CR1: variants seen among roughly 807,000 people sequenced by gnomAD.
CR1 encodes complement C3b/C4b receptor 1 (Knops blood group).
In CR1, 116 loss-of-function variants were observed where a neutral mutation model predicts 187.3. The observed-to-expected ratio is 0.62, with a 90% CI of 0.53 to 0.72. The LOEUF (loss-of-function observed/expected upper bound fraction) is 0.72. CR1 is among the 30% of genes least tolerant of loss of function. CR1 has a pLI of 0.00. For synonymous variants in CR1, 576 were observed against 747.1 expected (o/e 0.77, Z 3.73); for missense variants, 1,731 against 2,110.7 (o/e 0.82, Z 3.52).
intron 35 of CR1, among the ~76,000 whole-genome samples, chr1:207,604,309 C>G (rs1485846218): frequency 6.6e-6 from 1 of 151,936 alleles, no homozygotes; most frequent in Non-Finnish European, 1.5e-5. Flanking sequence ...GGTTTGTCTT[C>G]AAATTTGTAT....
intron 35 of CR1, among the ~76,000 whole-genome samples, chr1:207,596,175 G>C (rs1330631680): frequency 6.6e-6 from 1 of 151,518 alleles, no homozygotes; most frequent in Non-Finnish European, 1.5e-5. Context: ...GAGCTAGCAA[G>C]CTTTCTGTCT....
In CR1 at chr1:207,523,810, C is replaced by T. The variant is rs199641255; in HGVS notation, c.687C>T (p.Ala229=). The T allele has an allele frequency of 3.1e-4, 496 of 1,611,848 alleles. 1 individual carries two copies. The African/African-American group carries it at 5.6e-3, about 18-fold the overall frequency. Residue 229 remains alanine, a synonymous_variant, in exon 5 of 47, where the codon GCC becomes GCT. Transcript: ENST00000367049. ...AAGTGGGCATCTGGAGCGGCCCCGCCCCTCAGTGCATTATACCTAACAAAT... is the reference window on the plus strand; with the variant it reads ...AAGTGGGCATCTGGAGCGGCCCCGCTCCTCAGTGCATTATACCTAACAAAT... ...DDQVGIWSGP[A]PQCIIPNKCT... is the part of the protein sequence containing the mutation.
At position 207,523,679 on chromosome 1, in the gene CR1, C is replaced by T. The variant is rs1660067822; in HGVS notation, c.556C>T (p.His186Tyr). ...CATTAGCACCAACAGAGAGAATTTT[C>T]ACTATGGATCAGTGGTGACCTACCG... ...DFISTNRENF[H>Y]YGSVVTYRCN... Residue 186 changes from histidine to tyrosine, a missense_variant, in exon 5 of 47, where the codon CAC (histidine) becomes TAC (tyrosine). His to Tyr is a moderately conservative substitution (Grantham distance 83). Transcript: ENST00000367049. 4 of 1,613,716 alleles carry T rather than the reference C, an allele frequency of 2.5e-6. No individual in the cohort carries two copies. The highest frequency in any genetic ancestry group is 2.5e-6 in the Non-Finnish European group (3 of 1,179,900).
intron 4 of CR1, among the ~76,000 whole-genome samples, chr1:207,515,368 G>A (rs1178622976): frequency 1.3e-5 from 2 of 150,650 alleles, no homozygotes; most frequent in Non-Finnish European, 3.0e-5. Context: ...GCAGTTCAAT[G>A]GAGTTTTACA....
intron 35 of CR1, among the ~76,000 whole-genome samples, chr1:207,596,457 A>G (rs1017056177): frequency 3.9e-5 from 6 of 151,914 alleles, no homozygotes; most frequent in African/African-American, 1.5e-4. Context: ...CTACTAAAAA[A>G]TACAAAATTA....
chr1:207,591,009 C>G (rs563760875), intron 35 of CR1, among the ~76,000 whole-genome samples: 1 of 152,244 alleles, frequency 6.6e-6, no homozygotes, highest in East Asian at 1.9e-4. Flanking sequence ...TAGTGGGAGA[C>G]TTTAACACCC....
Position 207,616,747 on chromosome 1 carries a change from A to T in CR1, c.6834A>T (p.Gln2278His), listed in dbSNP as rs1379169872. The change falls in exon 41 of 47, where the codon CAA becomes CAT. Residue 2278 changes from glutamine (Q) to histidine (H), a missense_variant. Physicochemically the swap from Gln to His is conservative, Grantham distance 24. Transcript: ENST00000367049. ...ESSIRCTSDPQGNGVWSSPAP... is the reference protein window; with the variant it reads ...ESSIRCTSDPHGNGVWSSPAP... ...CCATCCGCTGCACAAGTGACCCTCA[A>T]GGGAATGGGGTTTGGAGCAGCCCTG... The T allele has an allele frequency of 2.5e-6, 4 of 1,613,898 alleles. No homozygotes were observed. The highest frequency in any genetic ancestry group is 2.7e-5 in the African/African-American group (2 of 75,016).
At chr1:207,508,297 G>A (rs528241673) in intron 3 of CR1, among the ~76,000 whole-genome samples, 1 of 152,288 alleles carries the variant, frequency 6.6e-6, no homozygotes, top group South Asian at 2.1e-4. Flanking sequence ...ATGGACTTGG[G>A]GTGGCCATGA....
At chr1:207,526,473 A>T (rs543226510) in intron 5 of CR1, among the ~76,000 whole-genome samples, 26 of 150,714 alleles carry the variant, frequency 1.7e-4, no homozygotes, top group Non-Finnish European at 3.1e-4. Context: ...AGCATTCTAG[A>T]AGGAACTGTC....
chr1:207,575,614 T>C lies in CR1; in HGVS notation c.4471T>C (p.Ser1491Pro). 6 of 1,611,836 alleles carry C rather than the reference T, an allele frequency of 3.7e-6. No homozygotes were observed. Among genetic ancestry groups the C allele is most frequent in the Non-Finnish European group, 5.1e-6 (6 of 1,179,696 alleles). Residue 1491 changes from serine to proline, a missense_variant, in exon 28 of 47, where the codon TCA becomes CCA. By Grantham distance (74) the Ser-to-Pro change is moderately conservative. Around this residue, in one of 5 missense-constraint regions of CR1, gnomAD observed 1,312 missense variants for 1,379.6 expected, o/e 0.95. Transcript: ENST00000367049. The stretch of plus-strand genomic sequence containing the variant: ...CTTTAGGCACCGACTCATTGGTCAC[T>C]CATCTGCTGAATGTATCCTCTCAGG... Reference protein sequence around the residue: ...CTTGHRLIGHSSAECILSGNT... With the variant: ...CTTGHRLIGHPSAECILSGNT...
intron 45 of CR1, among the ~76,000 whole-genome samples, chr1:207,624,607 G>A (rs1455475398): frequency 1.3e-5 from 2 of 152,240 alleles, no homozygotes; most frequent in African/African-American, 4.8e-5. Flanking sequence ...CAATTTCATG[G>A]AAAAATACTG....
chr1:207,594,440 G>A (rs1196974794), intron 35 of CR1, among the ~76,000 whole-genome samples: 1 of 152,078 alleles, frequency 6.6e-6, no homozygotes, highest in African/African-American at 2.4e-5. Context: ...ACATCACACA[G>A]TGGGGCCCGT....
At position 207,576,215 on chromosome 1, in the gene CR1, G is replaced by C. The variant is rs189404266; in HGVS notation, c.4537+535G>C. Among the ~76,000 whole-genome samples the C allele has an allele frequency of 2.0e-3, 308 of 152,262 alleles. 2 individuals carry two copies. The highest frequency in any genetic ancestry group is 7.2e-3 in the African/African-American group (300 of 41,544). On this transcript the variant is annotated intron_variant, in intron 28 of 46. Coordinates refer to ENST00000367049, the MANE Select transcript of CR1 (RefSeq NM_000651.6). ...GGAATATAAAATGTGTATAATCCTG[G>C]GTTTAGTGATGGTGTGAGGAAATCA...
intron 35 of CR1, among the ~76,000 whole-genome samples, chr1:207,606,849 A>G (rs1263434942): frequency 6.6e-6 from 1 of 152,174 alleles, no homozygotes; most frequent in Non-Finnish European, 1.5e-5. Context: ...CCAAAACTTG[A>G]AAGTCTCTAA....
chr1:207,599,847 G>A (rs1661552950), intron 35 of CR1, among the ~76,000 whole-genome samples: 1 of 152,176 alleles, frequency 6.6e-6, no homozygotes, highest in South Asian at 2.1e-4. Context: ...AGGTGGGAGT[G>A]ACAAAATATA....
At chr1:207,605,337 C>CCACACA (rs61201153) in intron 35 of CR1, among the ~76,000 whole-genome samples, 53 of 142,782 alleles carry the variant, frequency 3.7e-4, no homozygotes, top group East Asian at 1.2e-3. Context: ...AATATTCTCA[C>CCACACA]CACACACACA....
intron 4 of CR1, among the ~76,000 whole-genome samples, chr1:207,520,454 G>A (rs540512898): frequency 2.6e-5 from 4 of 152,340 alleles, no homozygotes; most frequent in East Asian, 1.9e-4. Context: ...TTGGCTTGTA[G>A]ATGCAAGATG....
chr1:207,579,274 G>T (rs1212813821), intron 29 of CR1, among the ~76,000 whole-genome samples: 1 of 152,160 alleles, frequency 6.6e-6, no homozygotes, highest in Admixed American at 6.5e-5. Context: ...CTGTGTAGGA[G>T]GTGTTATGGT....
intron 35 of CR1, among the ~76,000 whole-genome samples, chr1:207,596,482 C>T (rs961811457): frequency 1.4e-4 from 22 of 151,968 alleles, no homozygotes; most frequent in Admixed American, 2.6e-4. Context: ...GGTGTGGTGG[C>T]GCATGCCTGT....
Sources: gnomAD v4.1 joint callset for allele counts (sites outside exome capture counted in the v4.1 genomes callset) on GRCh38, gnomAD v4.1.1 for gene constraint, gnomAD v4.1.1 regional missense constraint, MANE v1.5 for transcripts, NCBI Gene and HGNC (gene_info 2026-07-23, HGNC 2026-07-21) for gene names.